TTC21A: variants seen among roughly 807,000 people sequenced by gnomAD.
The protein encoded by TTC21A is tetratricopeptide repeat domain 21A, also known as tetratricopeptide repeat protein 21A.
A neutral mutation model predicts 156.4 loss-of-function variants in TTC21A; 128 were observed. That is an observed-to-expected ratio of 0.82 (90% CI 0.71 to 0.95). The LOEUF is 0.95. Among genes scored for constraint, TTC21A ranks in the 40% least tolerant of loss-of-function variants. TTC21A has a pLI of 0.00. For missense variants in TTC21A, 1,435 were observed against 1,602.3 expected (o/e 0.90, Z 1.78); for synonymous variants, 587 against 617.1 (o/e 0.95, Z 0.72).
In TTC21A at chr3:39,128,454, A is replaced by G. The variant is rs1553683873; in HGVS notation, c.1646A>G (p.His549Arg). The G allele has an allele frequency of 6.2e-7, 1 of 1,614,146 alleles. No individual in the cohort carries two copies. Among genetic ancestry groups the G allele is most frequent in the South Asian group, 1.1e-5 (1 of 91,086 alleles). The part of the protein sequence containing the change: ...LAQGNFGMCF[H>R]CLELGVSHNF... ...CAGGGCAACTTTGGCATGTGCTTCC[A>G]CTGCTTAGAGCTGGGTGTCAGCCAC... Residue 549 changes from histidine to arginine, a missense_variant, in exon 13 of 29, where the codon CAC (histidine) becomes CGC (arginine). By Grantham distance (29) the His-to-Arg change is conservative. Transcript: ENST00000683103.
intron 1 of TTC21A, 141 bp downstream of exon 1, chr3:39,108,005 C>T (rs1177404887): frequency 5.8e-6 from 6 of 1,033,780 alleles, no homozygotes; most frequent in Non-Finnish European, 8.5e-6. Context: ...GCCCCACTCC[C>T]CCTGGCAAGG....
intron 12 of TTC21A, among the ~76,000 whole-genome samples, chr3:39,128,009 G>A (rs1393800559): frequency 6.6e-6 from 1 of 152,214 alleles, no homozygotes; most frequent in Non-Finnish European, 1.5e-5. Context: ...GCTCTTAGGT[G>A]TGGGAATTGA....
At chr3:39,115,427 G>A (rs553209320) in intron 6 of TTC21A, among the ~76,000 whole-genome samples, 6 of 152,250 alleles carry the variant, frequency 3.9e-5, no homozygotes, top group African/African-American at 1.2e-4. Context: ...TTGGGAGGCC[G>A]AGGCAGGAGG....
At chr3:39,137,763 C>A in intron 26 of TTC21A, 53 bp downstream of exon 26, 1 of 1,542,360 alleles carries the variant, frequency 6.5e-7, no homozygotes, top group Non-Finnish European at 8.8e-7. Flanking sequence ...GGATTCTAGG[C>A]ATTCCAGGAA....
chr3:39,134,016 C>G lies in TTC21A; in HGVS notation c.2752-202C>G, dbSNP rs1259898896. ...AAATGTGTTAGCTTGGCCCAACTTT[C>G]AGAGGTTAGTAAGACACAGGGTATG... On this transcript the variant is annotated intron_variant, in intron 20 of 28. Transcript: ENST00000683103. The surrounding 1 kb of genome is among the most constrained non-coding windows in gnomAD (Gnocchi z 4.6). Among the ~76,000 whole-genome samples, 1 of 152,134 alleles carries G rather than the reference C, an allele frequency of 6.6e-6. No individual in the cohort carries two copies. The highest frequency in any genetic ancestry group is 6.5e-5 in the Admixed American group (1 of 15,286).
At chr3:39,128,084 G>A (rs1317483781) in intron 12 of TTC21A, among the ~76,000 whole-genome samples, 1 of 152,172 alleles carries the variant, frequency 6.6e-6, no homozygotes, top group East Asian at 1.9e-4. Context: ...CTCCCTGAGG[G>A]TTACAGAGAC....
At chr3:39,110,240 G>A (rs1257031548) in intron 3 of TTC21A, 101 bp downstream of exon 3, 8 of 856,530 alleles carry the variant, frequency 9.3e-6, no homozygotes, top group Non-Finnish European at 1.2e-5. Context: ...GGAGGTATGT[G>A]CCCTGGTGGC....
rs2038637507 is a variant in TTC21A at position 39,130,430 on chromosome 3, C to T, written c.2319+72C>T. 20 of 1,238,276 alleles carry T rather than the reference C, an allele frequency of 1.6e-5. No individual in the cohort carries two copies. The highest frequency in any genetic ancestry group is 2.4e-5 in the East Asian group (1 of 41,138). The allele number at this position is 1,238,276 out of a possible 1,614,324, so 76.7% of individuals were successfully genotyped here. A position where few individuals can be genotyped will look rare whatever the true frequency, so the allele number is the denominator to read the frequency against. ...AGGGAAGGAGGAGGACGGTACATGA[C>T]TGGGGAGCTCTGGGTGGGAGGAGAG... is the stretch of plus-strand genomic sequence containing the variant. On this transcript the variant is annotated intron_variant, in intron 17 of 28. Coordinates refer to ENST00000683103, the MANE Select transcript of TTC21A (RefSeq NM_001366900.1). This position sits in a 1 kb window ranked among gnomAD's most constrained non-coding sequence, Gnocchi z 4.5.
rs2038692053 is a variant in TTC21A at position 39,131,035 on chromosome 3, T to C, written c.2502T>C (p.Leu834=). Residue 834 remains leucine, a synonymous_variant, in exon 19 of 29, where the codon CTT becomes CTC. Coordinates refer to ENST00000683103, the MANE Select transcript of TTC21A (RefSeq NM_001366900.1). The part of the protein sequence containing the change: ...PSMMNDVKCL[L]LLAKVYKSHK... ...TGATGAATGATGTTAAGTGCCTGCT[T>C]TTGCTGGCAAAGGTTTACAAGAGCC... 1 of 1,613,796 alleles carries C rather than the reference T, an allele frequency of 6.2e-7. No individual in the cohort carries two copies. The highest frequency in any genetic ancestry group is 1.7e-5 in the Admixed American group (1 of 60,012).
Position 39,136,517 on chromosome 3 carries a change from G to A in TTC21A, c.3095+10G>A. 1 of 1,613,582 alleles carries A rather than the reference G, an allele frequency of 6.2e-7. No homozygotes were observed. On this transcript the variant is annotated intron_variant, in intron 23 of 28. Coordinates refer to ENST00000683103, the MANE Select transcript of TTC21A (RefSeq NM_001366900.1). ...GAGGTATCTACTGCTGGTGAGTTGG[G>A]TGTGGTGTGTTGAGGGGCAGCTGTG...
Position 39,126,339 on chromosome 3 carries a change from C to G in TTC21A, c.1471C>G (p.Pro491Ala), listed in dbSNP as rs1250884532. Residue 491 changes from proline to alanine, a missense_variant, in exon 12 of 29, where the codon CCA becomes GCA. Pro to Ala is a conservative substitution (Grantham distance 27). Transcript: ENST00000683103. Reference sequence around the variant, plus strand: ...CTTGAATCCTGTAGTCAAAGCAGCACCAGCTCTGATCGACCCCCTGTATTT... The same window carrying G: ...CTTGAATCCTGTAGTCAAAGCAGCAGCAGCTCTGATCGACCCCCTGTATTT... ...VILNPVVKAA[P>A]ALIDPLYLMA... 6.2e-7 allele frequency: 1 copy of G among 1,614,108 alleles called. No individual in the cohort carries two copies. The highest frequency in any genetic ancestry group is 8.5e-7 in the Non-Finnish European group (1 of 1,180,008).
intron 8 of TTC21A, among the ~76,000 whole-genome samples, chr3:39,120,569 AG>A (rs1310647678): frequency 3.1e-4 from 47 of 152,388 alleles, no homozygotes; most frequent in Admixed American, 1.9e-3. Context: ...CCCAGGAACC[AG>A]AACTGTGGAG....
Position 39,126,311 on chromosome 3 carries a change from G to T in TTC21A, c.1443G>T (p.Val481=), listed in dbSNP as rs2038236831. ...CTCCACTTCTTAAACAAGTCGCCGT[G>T]ATCTTGAATCCTGTAGTCAAAGCAG... ...IVSPLLKQVA[V]ILNPVVKAAP... is the part of the protein sequence containing the mutation. The change falls in exon 12 of 29, where the codon GTG becomes GTT. Residue 481 remains valine (V), a synonymous_variant. Transcript: ENST00000683103. The T allele has an allele frequency of 6.2e-7, 1 of 1,613,886 alleles. No homozygotes were observed. The highest frequency in any genetic ancestry group is 1.7e-5 in the Admixed American group (1 of 59,994).
Position 39,136,917 on chromosome 3 carries a change from C to G in TTC21A, c.3114C>G (p.Asn1038Lys), listed in dbSNP as rs180728373. 3 of 1,613,986 alleles carry G rather than the reference C, an allele frequency of 1.9e-6. No homozygotes were observed. Among genetic ancestry groups the G allele is most frequent in the African/African-American group, 2.7e-5 (2 of 74,938 alleles). Reference sequence around the variant, plus strand: ...ACCACAGGCACATAGGGCAGCCCAACGAAGCCTTAAAGTTCCTGAACAAGG... The same window carrying G: ...ACCACAGGCACATAGGGCAGCCCAAGGAAGCCTTAAAGTTCCTGAACAAGG... ...GIYCWHIGQP[N>K]EALKFLNKAR... Residue 1038 changes from asparagine to lysine, a missense_variant, in exon 24 of 29, where the codon AAC becomes AAG. By Grantham distance (94) the Asn-to-Lys change is moderately conservative. Coordinates refer to ENST00000683103, the MANE Select transcript of TTC21A (RefSeq NM_001366900.1).
At chr3:39,132,534 G>T (rs2038806830) in intron 19 of TTC21A, among the ~76,000 whole-genome samples, 1 of 152,092 alleles carries the variant, frequency 6.6e-6, no homozygotes, top group Admixed American at 6.5e-5. Context: ...TCCTCTTTTT[G>T]GCCCTCGGGG....
At chr3:39,136,636 G>T in intron 23 of TTC21A, 129 bp downstream of exon 23, 1 of 1,199,764 alleles carries the variant, frequency 8.3e-7, no homozygotes. Context: ...CAGCAAGTGA[G>T]GGCCCATGGG....
intron 12 of TTC21A, among the ~76,000 whole-genome samples, chr3:39,127,932 T>A (rs2038401729): frequency 6.6e-6 from 1 of 152,264 alleles, no homozygotes; most frequent in Admixed American, 6.5e-5. Flanking sequence ...TTTGCAAGTA[T>A]TGAACATAGA....
chr3:39,137,145 C>T, intron 24 of TTC21A, 50 bp from the exon 25 acceptor site: 1 of 1,599,670 alleles, frequency 6.3e-7, no homozygotes, highest in African/African-American at 1.3e-5. Context: ...GTGAGGGCCA[C>T]ACGGGCAGGC....
chr3:39,137,239 C>T lies in TTC21A; in HGVS notation c.3302C>T (p.Ala1101Val). ...TTGGAGCAGCAGGGTGTGAGCACCGCCGAGAAACTGCTGCGTGAGTTTTAC... is the reference window on the plus strand; with the variant it reads ...TTGGAGCAGCAGGGTGTGAGCACCGTCGAGAAACTGCTGCGTGAGTTTTAC... ...KELEQQGVSTAEKLLREFYPH... is the reference protein window; with the variant it reads ...KELEQQGVSTVEKLLREFYPH... Residue 1101 changes from alanine (A) to valine (V), a missense_variant, in exon 25 of 29, where the codon GCC (alanine) becomes GTC (valine). Physicochemically the swap from Ala to Val is moderately conservative, Grantham distance 64 (BLOSUM62 0). Coordinates refer to ENST00000683103, the MANE Select transcript of TTC21A (RefSeq NM_001366900.1). 1 of 1,614,172 alleles carries T rather than the reference C, an allele frequency of 6.2e-7. No individual in the cohort carries two copies. The highest frequency in any genetic ancestry group is 8.5e-7 in the Non-Finnish European group (1 of 1,180,028).
Sources: gnomAD v4.1 joint callset for allele counts (sites outside exome capture counted in the v4.1 genomes callset) on GRCh38, gnomAD v4.1.1 for gene constraint, Gnocchi (gnomAD v3.1) non-coding constraint, MANE v1.5 for transcripts, NCBI Gene and HGNC (gene_info 2026-07-23, HGNC 2026-07-21) for gene names.